Variants in CNTN4 observed in about 807,000 individuals in gnomAD.
The protein encoded by CNTN4 is contactin-4.
CNTN4 carries 77 observed loss-of-function variants against 122.5 expected under a neutral mutation model. The ratio of observed to expected loss-of-function variants is 0.63; its 90% CI spans 0.52 to 0.76. The LOEUF (loss-of-function observed/expected upper bound fraction) is 0.76. Among genes scored for constraint, CNTN4 ranks in the 30% least tolerant of loss-of-function variants. The pLI is 0.00. For synonymous variants in CNTN4, 512 were observed against 447.0 expected (o/e 1.15, Z -1.83); for missense variants, 1,256 against 1,259.1 (o/e 1.00, Z 0.04).
chr3:2,542,521 T>G (rs1202745187), intron 3 of CNTN4, among the ~76,000 whole-genome samples: 1 of 152,144 alleles, frequency 6.6e-6, no homozygotes, highest in East Asian at 1.9e-4. Context: ...GCATTTTCTT[T>G]CTATTCCTAA....
chr3:2,378,287 T>C (rs1299652560), intron 3 of CNTN4, among the ~76,000 whole-genome samples: 2 of 152,210 alleles, frequency 1.3e-5, no homozygotes, highest in East Asian at 3.9e-4. Flanking sequence ...TGTTTCAGTA[T>C]GGGCCTTCCC....
At chr3:3,022,136 C>G (rs1483862418) in intron 14 of CNTN4, among the ~76,000 whole-genome samples, 1 of 149,962 alleles carries the variant, frequency 6.7e-6, no homozygotes, top group African/African-American at 2.5e-5. Context: ...CTCAGCTACT[C>G]AGGAGGTTGA....
chr3:2,694,208 C>T (rs1014134942), intron 4 of CNTN4, among the ~76,000 whole-genome samples: 2 of 152,108 alleles, frequency 1.3e-5, no homozygotes, highest in African/African-American at 4.8e-5. Flanking sequence ...CTAAAAACTC[C>T]CATAGTTCCT....
intron 2 of CNTN4, among the ~76,000 whole-genome samples, chr3:2,159,442 A>G (rs995551080): frequency 6.6e-5 from 10 of 152,190 alleles, no homozygotes; most frequent in Admixed American, 6.5e-4. Context: ...AGGTGACACA[A>G]AAGCCAGTTC....
chr3:2,614,714 G>T (rs1292281644), intron 4 of CNTN4, among the ~76,000 whole-genome samples: 2 of 152,064 alleles, frequency 1.3e-5, no homozygotes, highest in Non-Finnish European at 1.5e-5. Flanking sequence ...GCAGAATTGA[G>T]AGTTTTGTTT....
At chr3:2,327,322 G>C (rs981119612) in intron 2 of CNTN4, among the ~76,000 whole-genome samples, 1 of 152,170 alleles carries the variant, frequency 6.6e-6, no homozygotes, top group Non-Finnish European at 1.5e-5. Flanking sequence ...GTTATTGTGT[G>C]TGTAGCTCAA....
intron 16 of CNTN4, among the ~76,000 whole-genome samples, chr3:3,034,018 G>A (rs1475201703): frequency 1.3e-5 from 2 of 152,166 alleles, no homozygotes; most frequent in African/African-American, 2.4e-5. Flanking sequence ...CTTGCGCACC[G>A]GCCATTTTCA....
At chr3:2,540,805 TACTTA>T (rs2149295359) in intron 3 of CNTN4, among the ~76,000 whole-genome samples, 1 of 152,274 alleles carries the variant, frequency 6.6e-6, no homozygotes, top group South Asian at 2.1e-4. Flanking sequence ...ATCCTGTGCT[TACTTA>T]ACTTTTCTGT....
intron 6 of CNTN4, among the ~76,000 whole-genome samples, chr3:2,815,376 C>G (rs554917672): frequency 6.6e-6 from 1 of 152,088 alleles, no homozygotes; most frequent in East Asian, 1.9e-4. Context: ...CTACAACGAA[C>G]TCAAACAAAT....
In CNTN4 at chr3:2,561,018, C is replaced by G. The variant is rs111908890; in HGVS notation, c.-88-10398C>G. The stretch of plus-strand genomic sequence containing the variant: ...TATCTGATTTTCTGATGTGGCTGTC[C>G]GAGCAATCAGCAAGCTGTGCGTAAT... On this transcript the variant is annotated intron_variant, in intron 3 of 24. Transcript: ENST00000418658. Among the ~76,000 whole-genome samples the G allele has an allele frequency of 6.6e-3, 1,006 of 152,246 alleles. 8 individuals are homozygous for G. The highest frequency in any genetic ancestry group is 0.023 in the African/African-American group (959 of 41,538).
At chr3:2,732,125 A>G (rs1367759704) in intron 4 of CNTN4, among the ~76,000 whole-genome samples, 1 of 152,226 alleles carries the variant, frequency 6.6e-6, no homozygotes, top group Non-Finnish European at 1.5e-5. Flanking sequence ...TTTGTTGGTT[A>G]GACTTTGCCC....
intron 2 of CNTN4, among the ~76,000 whole-genome samples, chr3:2,145,479 A>G (rs116729179): frequency 0.021 from 3,258 of 152,328 alleles, 41 homozygotes; most frequent in African/African-American, 0.034. Context: ...CATATAAAAC[A>G]TAATAGTGTG....
intron 23 of CNTN4, among the ~76,000 whole-genome samples, chr3:3,050,279 A>G (rs1474243601): frequency 6.6e-6 from 1 of 151,230 alleles, no homozygotes; most frequent in Admixed American, 6.5e-5. Flanking sequence ...TTAAATGTTC[A>G]TGTCTAACTC....
In CNTN4 at chr3:2,818,722, C is replaced by A. The variant is rs112072818; in HGVS notation, c.359-764C>A. Among the ~76,000 whole-genome samples the A allele has an allele frequency of 3.7e-4, 57 of 152,238 alleles. 1 individual carries two copies. Among genetic ancestry groups the A allele is most frequent in the Middle Eastern group, 3.4e-3 (1 of 290 alleles). On this transcript the variant is annotated intron_variant, in intron 6 of 24. Coordinates refer to ENST00000418658, the MANE Select transcript of CNTN4 (RefSeq NM_175607.3). Reference sequence around the variant, plus strand: ...ACTGCCTATTTACTTATACTGTGATCTTTGGGTTTATAAATGTCTTATCTC... The same window carrying A: ...ACTGCCTATTTACTTATACTGTGATATTTGGGTTTATAAATGTCTTATCTC...
intron 7 of CNTN4, among the ~76,000 whole-genome samples, chr3:2,852,169 C>T (rs1351366921): frequency 6.6e-6 from 1 of 152,182 alleles, no homozygotes; most frequent in Non-Finnish European, 1.5e-5. Flanking sequence ...ACACTGTATA[C>T]ATGATCACAA....
intron 13 of CNTN4, among the ~76,000 whole-genome samples, chr3:2,974,457 C>CA (rs1391551089): frequency 6.6e-6 from 1 of 152,152 alleles, no homozygotes; most frequent in Non-Finnish European, 1.5e-5. Context: ...AACCTTCTCA[C>CA]AAAAAACCTA....
At chr3:2,630,789 T>TA (rs945536462) in intron 4 of CNTN4, among the ~76,000 whole-genome samples, 11 of 152,008 alleles carry the variant, frequency 7.2e-5, no homozygotes, top group Admixed American at 3.3e-4. Context: ...CGTTCTTATT[T>TA]AAAAAATGTG....
chr3:2,390,212 AAG>A (rs1332221221), intron 3 of CNTN4, among the ~76,000 whole-genome samples: 1 of 115,378 alleles, frequency 8.7e-6, no homozygotes, highest in Admixed American at 9.8e-5. Flanking sequence ...TTTAGGAAAA[AAG>A]AGTGTGTGTG....
intron 3 of CNTN4, among the ~76,000 whole-genome samples, chr3:2,493,657 A>G (rs879636422): frequency 6.6e-5 from 10 of 151,982 alleles, no homozygotes; most frequent in South Asian, 2.1e-4. Context: ...TTGTACTTTA[A>G]TAATAGAACA....
Sources: gnomAD v4.1 joint callset for allele counts (sites outside exome capture counted in the v4.1 genomes callset) on GRCh38, gnomAD v4.1.1 for gene constraint, MANE v1.5 for transcripts, NCBI Gene and HGNC (gene_info 2026-07-23, HGNC 2026-07-21) for gene names.